The following CPLANE1 variants were observed in gnomAD, a reference collection of about 807,000 sequenced individuals.
CPLANE1 encodes ciliogenesis and planar polarity effector 1.
In CPLANE1, 263 loss-of-function variants were observed where a neutral mutation model predicts 362.5. The observed-to-expected ratio is 0.73, with a 90% confidence interval of 0.66 to 0.80. The LOEUF is 0.80. CPLANE1 is among the 30% of genes least tolerant of loss of function. CPLANE1 has a pLI of 0.00. For missense variants in CPLANE1, 3,461 were observed against 3,793.4 expected (o/e 0.91, Z 2.30); for synonymous variants, 1,212 against 1,302.6 (o/e 0.93, Z 1.50).
intron 15 of CPLANE1, among the ~76,000 whole-genome samples, chr5:37,217,067 AAT>A (rs917490569): frequency 3.3e-5 from 5 of 152,158 alleles, no homozygotes; most frequent in African/African-American, 1.2e-4. Flanking sequence ...TAGTCACTGT[AAT>A]ATTTGGGGGG....
At chr5:37,177,999 T>C (rs974957759) in intron 29 of CPLANE1, among the ~76,000 whole-genome samples, 3 of 152,180 alleles carry the variant, frequency 2.0e-5, no homozygotes, top group Non-Finnish European at 4.4e-5. Context: ...ATTATTCATT[T>C]CCCTGTAAAA....
At chr5:37,180,768 A>G (rs762079844) in intron 27 of CPLANE1, 89 bp downstream of exon 27, 3 of 1,282,834 alleles carry the variant, frequency 2.3e-6, no homozygotes, top group Non-Finnish European at 3.3e-6. Context: ...CATTCCTTTA[A>G]CTTTCAAGGG....
the CPLANE1 span, among the ~76,000 whole-genome samples, chr5:37,090,572 C>T: frequency 6.6e-6 from 1 of 152,210 alleles, no homozygotes; most frequent in Non-Finnish European, 1.5e-5. Context: ...TTTCTTATCT[C>T]ATACCCTGGT....
chr5:37,116,260 G>A (rs778809528), intron 50 of CPLANE1, among the ~76,000 whole-genome samples: 5 of 152,002 alleles, frequency 3.3e-5, no homozygotes, highest in African/African-American at 7.2e-5. Context: ...CAAAGCTGGC[G>A]GATCACTTGA....
At chr5:37,123,098 G>T (rs1158735157) in intron 47 of CPLANE1, among the ~76,000 whole-genome samples, 1 of 152,122 alleles carries the variant, frequency 6.6e-6, no homozygotes, top group Non-Finnish European at 1.5e-5. Flanking sequence ...TAATAAAGCA[G>T]AAATTAGACA....
rs1436480335 is a variant in CPLANE1 at position 37,138,957 on chromosome 5, T to C, written c.8664-109A>G. On this transcript the variant is annotated intron_variant, in intron 45 of 52. Transcript: ENST00000651892. ...GAACACAAAATGATAAACATATATC[T>C]ACTGTTCCTTCTATTTCTGTAATTC... 3 of 921,792 alleles carry C rather than the reference T, an allele frequency of 3.3e-6. No homozygotes were observed. The African/African-American group carries it at 5.1e-5, about 16-fold the overall frequency. The allele number at this position is 921,792 out of a possible 1,614,324, so 57.1% of individuals were successfully genotyped here. A position where few individuals can be genotyped will look rare whatever the true frequency, so the allele number is the denominator to read the frequency against.
At chr5:37,227,450 T>C in intron 10 of CPLANE1, 58 bp from the exon 11 acceptor site, 1 of 1,488,736 alleles carries the variant, frequency 6.7e-7, no homozygotes, top group Non-Finnish European at 8.9e-7. Flanking sequence ...AATTCTATTA[T>C]AAGCAATTAA....
chr5:37,221,791 A>AT lies in CPLANE1; in HGVS notation c.2582-304dup, dbSNP rs895282857. Among the ~76,000 whole-genome samples the AT allele has an allele frequency of 2.2e-4, 33 of 151,952 alleles. 1 individual carries two copies. The highest frequency in any genetic ancestry group is 1.4e-3 in the Admixed American group (21 of 15,248). On this transcript the variant is annotated intron_variant, in intron 14 of 52. Transcript: ENST00000651892. ...CAGTTGTCAGGGGCTCCTATCTTAT[A>AT]TTTTTTTAGCATACTTTGCTCTTTT...
At chr5:37,085,651 CAG>C in the CPLANE1 span, 1 of 1,039,794 alleles carries the variant, frequency 9.6e-7, no homozygotes, top group East Asian at 2.4e-5. Context: ...TGATCACCAA[CAG>C]AGAGAGGCAC....
chr5:37,186,299 G>C lies in CPLANE1; in HGVS notation c.4176C>G (p.His1392Gln), dbSNP rs1325496229. Reference protein sequence around the residue: ...KYHSLHQRLRHCVVKGPQTEE... With the variant: ...KYHSLHQRLRQCVVKGPQTEE... Reference sequence around the variant, plus strand: ...AACAAATAATACCTTTCACAACACAGTGTCTGAGTCTCTGGTGAAGAGAGT... The same window carrying C: ...AACAAATAATACCTTTCACAACACACTGTCTGAGTCTCTGGTGAAGAGAGT... Residue 1392 changes from histidine to glutamine, a missense_variant, in exon 24 of 53, where the codon CAC becomes CAG. Physicochemically the swap from His to Gln is conservative, Grantham distance 24. Around this residue, in one of 2 missense-constraint regions of CPLANE1, gnomAD observed 3,380 missense variants for 3,666.1 expected, o/e 0.92. Transcript: ENST00000651892. The C allele has an allele frequency of 6.6e-7, 1 of 1,505,804 alleles. No homozygotes were observed. Among genetic ancestry groups the C allele is most frequent in the South Asian group, 1.1e-5 (1 of 88,432 alleles). 93.3% of individuals were successfully genotyped at this position (1,505,804 alleles called of 1,614,324 possible).
intron 42 of CPLANE1, among the ~76,000 whole-genome samples, chr5:37,153,059 A>C (rs1451914244): frequency 6.6e-6 from 1 of 152,212 alleles, no homozygotes; most frequent in African/African-American, 2.4e-5. Context: ...GGGTTCCTTT[A>C]AAATCACATT....
chr5:37,132,505 C>T (rs868200327), intron 46 of CPLANE1, among the ~76,000 whole-genome samples: 16 of 151,936 alleles, frequency 1.1e-4, no homozygotes, highest in East Asian at 3.9e-4. Context: ...CCACCACGCC[C>T]GGCTAATTTT....
intron 51 of CPLANE1, among the ~76,000 whole-genome samples, chr5:37,109,401 T>C (rs1366851701): frequency 6.6e-6 from 1 of 152,212 alleles, no homozygotes; most frequent in Non-Finnish European, 1.5e-5. Flanking sequence ...CAGACATTCA[T>C]GCCTGGTCTT....
chr5:37,164,040 A>G (rs1417993456), intron 37 of CPLANE1, among the ~76,000 whole-genome samples: 10 of 152,168 alleles, frequency 6.6e-5, no homozygotes, highest in South Asian at 4.1e-4. Flanking sequence ...CACCCCCACC[A>G]CTGCGTATCC....
chr5:37,218,233 A>T (rs1794583857), intron 15 of CPLANE1, among the ~76,000 whole-genome samples: 1 of 152,174 alleles, frequency 6.6e-6, no homozygotes, highest in Non-Finnish European at 1.5e-5. Flanking sequence ...TTTACGCTGA[A>T]CATCTGTTTT....
downstream of CPLANE1, among the ~76,000 whole-genome samples, chr5:37,103,447 G>A (rs930066663): frequency 6.6e-6 from 1 of 152,140 alleles, no homozygotes; most frequent in Non-Finnish European, 1.5e-5. Context: ...GTTTTATGTG[G>A]TTGCTTCATA....
Position 37,188,116 on chromosome 5 carries a change from T to C in CPLANE1, c.3812-274A>G, listed in dbSNP as rs184306413. 2.0e-5 allele frequency among the ~76,000 whole-genome samples: 3 copies of C among 152,308 alleles called. No individual in the cohort carries two copies. In the East Asian group the frequency reaches 5.8e-4, roughly 29 times the overall value. On this transcript the variant is annotated intron_variant, in intron 21 of 52. Coordinates refer to ENST00000651892, the MANE Select transcript of CPLANE1 (RefSeq NM_001384732.1). ...GTAAATAATTTTTTATTAAAAGCAATACAAGTACACAAAGATATATAAAAT... is the reference window on the plus strand; with the variant it reads ...GTAAATAATTTTTTATTAAAAGCAACACAAGTACACAAAGATATATAAAAT...
At chr5:37,148,292 A>G in intron 42 of CPLANE1, 24 bp from the exon 43 acceptor site, 2 of 1,455,884 alleles carry the variant, frequency 1.4e-6, no homozygotes, top group Non-Finnish European at 1.9e-6. Flanking sequence ...ACACACAACA[A>G]AACAACAGTA....
Position 37,125,416 on chromosome 5 carries a change from A to C in CPLANE1, c.8793-7T>G. 1 of 1,610,944 alleles carries C rather than the reference A, an allele frequency of 6.2e-7. No individual in the cohort carries two copies. The highest frequency in any genetic ancestry group is 1.1e-5 in the South Asian group (1 of 90,610). On this transcript the variant is annotated splice_region_variant and splice_polypyrimidine_tract_variant and intron_variant, in intron 46 of 52. Coordinates refer to ENST00000651892, the MANE Select transcript of CPLANE1 (RefSeq NM_001384732.1). ...GCCAGAATAATGCTGAATTCTGAGA[A>C]ATTTAACAAGCAAGACATCATTTGC...
Sources: allele counts gnomAD v4.1 joint callset (sites outside exome capture counted in the v4.1 genomes callset), GRCh38; gene constraint gnomAD v4.1.1; regional missense constraint gnomAD v4.1.1; transcripts MANE v1.5; gene names NCBI Gene and HGNC (gene_info 2026-07-23, HGNC 2026-07-21).